Variants in RFX7 observed in about 807,000 individuals in gnomAD.
RFX7 encodes DNA-binding protein RFX7.
RFX7 carries 26 observed loss-of-function variants against 111.8 expected under a neutral mutation model. The ratio of observed to expected loss-of-function variants is 0.23; its 90% CI spans 0.17 to 0.32. The LOEUF is 0.32. RFX7 is among the 10% of genes least tolerant of loss of function. The probability of loss-of-function intolerance (pLI) is 1.00; values close to 1 mark genes in which losing one functional copy is unlikely to be tolerated. For missense variants in RFX7, 1,573 were observed against 1,772.9 expected, an observed-to-expected ratio of 0.89 and a Z score of 2.02; for synonymous variants, 624 against 624.4, an observed-to-expected ratio of 1.00 and a Z score of 0.01.
chr15:56,178,710 C>A (rs2042931024), intron 3 of RFX7, among the ~76,000 whole-genome samples: 2 of 152,158 alleles, frequency 1.3e-5, no homozygotes, highest in Admixed American at 1.3e-4. Flanking sequence ...ACTATACTAA[C>A]ACAATCTAAA....
chr15:56,217,150 T>A (rs1481681252), intron 2 of RFX7, among the ~76,000 whole-genome samples: 1 of 152,184 alleles, frequency 6.6e-6, no homozygotes, highest in East Asian at 1.9e-4. Context: ...TATAATACAT[T>A]CATTTTGCTG....
intron 6 of RFX7, 53 bp from the exon 7 acceptor site, chr15:56,102,306 G>GACAGC: frequency 9.4e-7 from 1 of 1,064,150 alleles, no homozygotes; most frequent in Non-Finnish European, 1.4e-6. Context: ...TGCTTATACA[G>GACAGC]ACAGCACTTT....
At chr15:56,239,037 T>C (rs35644052) in intron 2 of RFX7, among the ~76,000 whole-genome samples, 3,692 of 152,014 alleles carry the variant, frequency 0.024, 77 homozygotes, top group Admixed American at 0.042. Context: ...TTTCACCGTG[T>C]TGCCCAGGCT....
chr15:56,115,755 G>A (rs1236220468), intron 5 of RFX7, among the ~76,000 whole-genome samples: 1 of 151,850 alleles, frequency 6.6e-6, no homozygotes, highest in Admixed American at 6.6e-5. Context: ...TGGCTAAGAC[G>A]GTGAAATCCT....
chr15:56,093,100 T>A lies in RFX7; in HGVS notation c.*245A>T, dbSNP rs185389436. 2.4e-6 allele frequency: 1 copy of A among 416,040 alleles called. No individual in the cohort carries two copies. Among genetic ancestry groups the A allele is most frequent in the East Asian group, 3.6e-5 (1 of 27,682 alleles). The allele number at this position is 416,040 out of a possible 1,614,324, so 25.8% of individuals were successfully genotyped here. A position where few individuals can be genotyped will look rare whatever the true frequency, so the allele number is the denominator to read the frequency against. On this transcript the variant is annotated 3_prime_UTR_variant, in exon 10 of 10. Transcript: ENST00000559447. ...GTAACAGCTGGATAGTCAATCAATG[T>A]GAATAAATGGGGCACATTATAAAAT...
chr15:56,222,938 G>A (rs1284489303), intron 2 of RFX7, among the ~76,000 whole-genome samples: 1 of 152,130 alleles, frequency 6.6e-6, no homozygotes, highest in Admixed American at 6.6e-5. Flanking sequence ...TTTGCATGAA[G>A]TTATTTACTG....
chr15:56,119,776 C>CAAAA (rs1207159378), intron 5 of RFX7, among the ~76,000 whole-genome samples: 2 of 65,264 alleles, frequency 3.1e-5, no homozygotes, highest in Admixed American at 1.7e-4. Context: ...CACTGTGTCT[C>CAAAA]AAAAAAAAAA....
chr15:56,186,165 T>G (rs1465664505), intron 2 of RFX7, among the ~76,000 whole-genome samples: 3 of 152,204 alleles, frequency 2.0e-5, no homozygotes, highest in Admixed American at 2.0e-4. Context: ...CAAGCTTACC[T>G]GAAACTTCCT....
At chr15:56,186,903 CA>C (rs1158768960) in intron 2 of RFX7, among the ~76,000 whole-genome samples, 10 of 151,890 alleles carry the variant, frequency 6.6e-5, no homozygotes, top group Non-Finnish European at 1.3e-4. Context: ...TTAAATTTAC[CA>C]AAATCATGTT....
chr15:56,148,089 A>G (rs1421761764), intron 3 of RFX7, among the ~76,000 whole-genome samples: 3 of 152,240 alleles, frequency 2.0e-5, no homozygotes, highest in Non-Finnish European at 4.4e-5. Flanking sequence ...TGATAATTTC[A>G]TACTATTGCA....
intron 3 of RFX7, among the ~76,000 whole-genome samples, chr15:56,170,824 C>A (rs539388887): frequency 6.6e-6 from 1 of 152,150 alleles, no homozygotes; most frequent in Admixed American, 6.5e-5. Flanking sequence ...AATGCTCTTA[C>A]AGATTGAGGG....
At chr15:56,110,477 T>G (rs1213863097) in intron 5 of RFX7, among the ~76,000 whole-genome samples, 27 of 101,414 alleles carry the variant, frequency 2.7e-4, no homozygotes, top group East Asian at 9.3e-4. Flanking sequence ...GCCTCTGCCC[T>G]GCCGCCCCTA....
chr15:56,132,672 A>G (rs1204437925), intron 5 of RFX7, among the ~76,000 whole-genome samples: 1 of 152,112 alleles, frequency 6.6e-6, no homozygotes, highest in Non-Finnish European at 1.5e-5. Context: ...AGCTGTGACA[A>G]AAGTGTACAG....
intron 9 of RFX7, among the ~76,000 whole-genome samples, chr15:56,096,830 A>G (rs34224072): frequency 0.31 from 47,342 of 152,176 alleles, 8,355 homozygotes; most frequent in Non-Finnish European, 0.39. Flanking sequence ...TAATTAAAAA[A>G]TATGTAAGAA....
chr15:56,154,545 TAATA>T (rs1345561523), intron 3 of RFX7, among the ~76,000 whole-genome samples: 3 of 152,188 alleles, frequency 2.0e-5, no homozygotes, highest in African/African-American at 7.2e-5. Context: ...ATTCCCTATT[TAATA>T]AATGGTGCTG....
chr15:56,243,452 C>A lies in RFX7; in HGVS notation c.-10G>T. The stretch of plus-strand genomic sequence containing the variant: ...GATAAGCTAGGCCTTTACCCCAGGG[C>A]TCGAGTGAGTCGCTTTCGCCTGCCG... On this transcript the variant is annotated 5_prime_UTR_variant, in exon 1 of 10. Coordinates refer to ENST00000559447, the MANE Select transcript of RFX7 (RefSeq NM_022841.7). 3.0e-6 allele frequency: 3 copies of A among 984,554 alleles called. No homozygotes were observed. The highest frequency in any genetic ancestry group is 1.7e-5 in the African/African-American group (1 of 57,156). 61.0% of individuals were successfully genotyped at this position (984,554 alleles called of 1,614,324 possible). A position where few individuals can be genotyped will look rare whatever the true frequency, so the allele number is the denominator to read the frequency against.
In RFX7 at chr15:56,123,570, G is replaced by C. The variant is rs768261189; in HGVS notation, c.401+19208C>G. On this transcript the variant is annotated intron_variant, in intron 5 of 9. Transcript: ENST00000559447. ...TGCAGGCACTCCCTTGGCCACCCTGGCTGGTGTCTCAATAGGTGGTATGCC... is the reference window on the plus strand; with the variant it reads ...TGCAGGCACTCCCTTGGCCACCCTGCCTGGTGTCTCAATAGGTGGTATGCC... 1.1e-4 allele frequency among the ~76,000 whole-genome samples: 16 copies of C among 152,280 alleles called. 1 individual carries two copies. The South Asian group carries it at 2.5e-3, about 24-fold the overall frequency.
At chr15:56,109,197 C>T (rs1343517229) in intron 5 of RFX7, among the ~76,000 whole-genome samples, 2 of 152,220 alleles carry the variant, frequency 1.3e-5, no homozygotes, top group African/African-American at 2.4e-5. Flanking sequence ...AGGCGCGCGC[C>T]GCCACGCCTG....
At chr15:56,115,355 T>G (rs1228535079) in intron 5 of RFX7, among the ~76,000 whole-genome samples, 7 of 152,208 alleles carry the variant, frequency 4.6e-5, no homozygotes, top group Non-Finnish European at 7.3e-5. Flanking sequence ...TCTTTTTTTA[T>G]TGTATGATTC....
Sources: gnomAD v4.1 joint callset for allele counts (sites outside exome capture counted in the v4.1 genomes callset) on GRCh38, gnomAD v4.1.1 for gene constraint, MANE v1.5 for transcripts, NCBI Gene and HGNC (gene_info 2026-07-23, HGNC 2026-07-21) for gene names.